KHDRBS3: variants seen among roughly 807,000 people sequenced by gnomAD.
KHDRBS3 encodes the protein KH domain-containing, RNA-binding, signal transduction-associated protein 3.
Under a neutral mutation model 45.6 loss-of-function variants are expected in KHDRBS3, and 23 were observed. That is an observed-to-expected ratio of 0.50 (90% CI 0.36 to 0.72). The LOEUF is 0.72. Ranked by LOEUF, KHDRBS3 falls within the 30% of genes least tolerant of loss-of-function variation. KHDRBS3 has a pLI of 0.00. For missense variants in KHDRBS3, 352 were observed against 424.8 expected (o/e 0.83, Z 1.51); for synonymous variants, 162 against 156.5 (o/e 1.04, Z -0.26).
chr8:135,539,736 T>C (rs1461858835), intron 2 of KHDRBS3: 1 of 152,176 alleles, frequency 6.6e-6, no homozygotes, highest in Non-Finnish European at 1.5e-5. Context: ...TAGAAGTAAC[T>C]TGACTAGGGA....
rs577235030 is a variant in KHDRBS3, at chr8:135,581,589, A to C, written c.612-289A>C. Among the ~76,000 whole-genome samples, 10 of 152,256 alleles carry C rather than the reference A, an allele frequency of 6.6e-5. No individual in the cohort carries two copies. In the South Asian group the frequency reaches 1.7e-3, roughly 25 times the overall value. ...TAATCCTGGCATGGCATTATATAGA[A>C]GTCTTGGGTGCATGTGGCTTCTCCA... On this transcript the variant is annotated intron_variant, in intron 5 of 8. Transcript: ENST00000355849.
At chr8:135,582,804 GT>G (rs1828280900) in intron 6 of KHDRBS3, among the ~76,000 whole-genome samples, 1 of 152,190 alleles carries the variant, frequency 6.6e-6, no homozygotes, top group African/African-American at 2.4e-5. Context: ...GTATCAGTAG[GT>G]TTTCATTGTT....
intron 7 of KHDRBS3, among the ~76,000 whole-genome samples, chr8:135,635,225 A>G (rs1385284903): frequency 2.0e-5 from 3 of 152,206 alleles, no homozygotes; most frequent in Non-Finnish European, 4.4e-5. Context: ...ATTCTCATTT[A>G]TGCTTTTGCA....
At chr8:135,505,186 A>G (rs1208945813) in intron 1 of KHDRBS3, among the ~76,000 whole-genome samples, 1 of 152,254 alleles carries the variant, frequency 6.6e-6, no homozygotes. Flanking sequence ...AAAGACCTCA[A>G]TGCCATTAGA....
At chr8:135,508,670 A>G (rs1234057049) in intron 1 of KHDRBS3, among the ~76,000 whole-genome samples, 3 of 152,160 alleles carry the variant, frequency 2.0e-5, no homozygotes, top group Non-Finnish European at 4.4e-5. Context: ...AAAGTTAGTG[A>G]CTTAAGTCAT....
At chr8:135,517,407 C>T (rs2317275) in intron 1 of KHDRBS3, among the ~76,000 whole-genome samples, 19,212 of 151,918 alleles carry the variant, frequency 0.13, 2,533 homozygotes, top group African/African-American at 0.34. Flanking sequence ...TTTCCTCCCT[C>T]GGGGAAGATG....
chr8:135,507,687 G>T (rs548712506), intron 1 of KHDRBS3, among the ~76,000 whole-genome samples: 1 of 152,150 alleles, frequency 6.6e-6, no homozygotes, highest in Non-Finnish European at 1.5e-5. Flanking sequence ...TCTAGGCGGA[G>T]CAATATGTAA....
chr8:135,631,422 A>T (rs958884575), intron 7 of KHDRBS3, among the ~76,000 whole-genome samples: 1 of 152,038 alleles, frequency 6.6e-6, no homozygotes, highest in East Asian at 1.9e-4. Context: ...TCCTTATTTC[A>T]TAAGCTTTTT....
intron 7 of KHDRBS3, among the ~76,000 whole-genome samples, chr8:135,630,178 C>T (rs1830535535): frequency 6.6e-6 from 1 of 152,162 alleles, no homozygotes; most frequent in African/African-American, 2.4e-5. Flanking sequence ...AGCATCAATG[C>T]CTGTGCTTTC....
At chr8:135,649,982 A>G (rs148560093), downstream of KHDRBS3, among the ~76,000 whole-genome samples, 1,399 of 152,048 alleles carry the variant, frequency 9.2e-3, 8 homozygotes, top group Middle Eastern at 0.017. Context: ...ATTTTTTTCT[A>G]TTTCCATGGG....
intron 7 of KHDRBS3, among the ~76,000 whole-genome samples, chr8:135,617,364 G>A (rs1345153918): frequency 2.0e-5 from 3 of 151,550 alleles, no homozygotes; most frequent in East Asian, 1.9e-4. Context: ...TGCAACCTCC[G>A]TCTCCTAGGT....
chr8:135,524,010 A>G (rs1825050327), intron 2 of KHDRBS3, among the ~76,000 whole-genome samples: 1 of 151,368 alleles, frequency 6.6e-6, no homozygotes, highest in Non-Finnish European at 1.5e-5. Flanking sequence ...AATGAGTGAT[A>G]CTGACTTATA....
chr8:135,467,712 C>G (rs912401299), intron 1 of KHDRBS3, among the ~76,000 whole-genome samples: 1 of 152,240 alleles, frequency 6.6e-6, no homozygotes, highest in African/African-American at 2.4e-5. Flanking sequence ...CCGGGCACAC[C>G]ACGTCTGTGT....
chr8:135,634,171 G>T (rs34803757), intron 7 of KHDRBS3, among the ~76,000 whole-genome samples: 6,180 of 152,318 alleles, frequency 0.041, 179 homozygotes, highest in Middle Eastern at 0.082. Context: ...GAGCAGGAAT[G>T]ATTCCTCAAA....
Position 135,492,516 on chromosome 8 carries a change from C to CATATATATATATATATATACATAT in KHDRBS3, c.89-28703_89-28702insACATATATATATATATATATATAT, listed in dbSNP as rs3029812. On this transcript the variant is annotated intron_variant, in intron 1 of 8. Coordinates refer to ENST00000355849, the MANE Select transcript of KHDRBS3 (RefSeq NM_006558.3). Reference sequence around the variant, plus strand: ...ATTCATTAGTTTACATATATATATACATATATATATATATATATTTCCTCT... The same window carrying CATATATATATATATATATACATAT: ...ATTCATTAGTTTACATATATATATACATATATATATATATATATACATATATATATATATATATATATTTCCTCT... Among the ~76,000 whole-genome samples the CATATATATATATATATATACATAT allele has an allele frequency of 8.4e-3, 1,229 of 145,788 alleles. 20 individuals carry two copies. Among genetic ancestry groups the CATATATATATATATATATACATAT allele is most frequent in the African/African-American group, 0.029 (1,162 of 39,956 alleles).
Position 135,636,109 on chromosome 8 carries a change from C to T in KHDRBS3, c.891-8950C>T, listed in dbSNP as rs1830799909. On this transcript the variant is annotated intron_variant, in intron 7 of 8. Transcript: ENST00000355849. Reference sequence around the variant, plus strand: ...AACCAGATACCCAAGTCTGAGTAAGCCTAGTTCATTGCTGTGAGTTATTTC... The same window carrying T: ...AACCAGATACCCAAGTCTGAGTAAGTCTAGTTCATTGCTGTGAGTTATTTC... 3.9e-5 allele frequency among the ~76,000 whole-genome samples: 6 copies of T among 152,132 alleles called. No homozygotes were observed. The South Asian group carries it at 1.2e-3, about 32-fold the overall frequency.
chr8:135,613,893 T>A (rs1829808316), intron 7 of KHDRBS3, among the ~76,000 whole-genome samples: 1 of 151,858 alleles, frequency 6.6e-6, no homozygotes. Flanking sequence ...TCCTCATTAT[T>A]ATGACACTCT....
At chr8:135,612,468 G>A (rs1012210533) in intron 7 of KHDRBS3, among the ~76,000 whole-genome samples, 5 of 151,772 alleles carry the variant, frequency 3.3e-5, no homozygotes, top group Admixed American at 1.3e-4. Context: ...TCAGTGAATA[G>A]CATTTACTGC....
chr8:135,500,529 CAGTT>C (rs969341278), intron 1 of KHDRBS3, among the ~76,000 whole-genome samples: 16 of 152,244 alleles, frequency 1.1e-4, no homozygotes, highest in African/African-American at 3.6e-4. Context: ...TCAGGGAAGG[CAGTT>C]AGCTCTTAAC....
Sources: allele counts gnomAD v4.1 joint callset (sites outside exome capture counted in the v4.1 genomes callset), GRCh38; gene constraint gnomAD v4.1.1; transcripts MANE v1.5; gene names NCBI Gene and HGNC (gene_info 2026-07-23, HGNC 2026-07-21).